Variants in SERP2 observed in about 807,000 individuals in gnomAD.
SERP2 encodes the protein stress-associated endoplasmic reticulum protein 2.
A neutral mutation model predicts 9.1 loss-of-function variants in SERP2; 6 were observed. The observed-to-expected ratio is 0.66, with a 90% CI of 0.36 to 1.30. The LOEUF is 1.30. Among genes scored for constraint, SERP2 ranks in the 50% most tolerant of loss-of-function variants. The pLI is 0.03. For missense variants in SERP2, 58 were observed against 81.9 expected, an observed-to-expected ratio of 0.71 and a Z score of 1.13; for synonymous variants, 37 against 27.3, an observed-to-expected ratio of 1.35 and a Z score of -1.10.
In SERP2 at chr13:44,373,928, T is replaced by G; in HGVS notation, c.-98T>G. On this transcript the variant is annotated 5_prime_UTR_variant, in exon 1 of 3. Coordinates refer to ENST00000379179, the MANE Select transcript of SERP2 (RefSeq NM_001010897.3). This position sits in a 1 kb window ranked among gnomAD's most constrained non-coding sequence, Gnocchi z 4.8. ...CGCCTTGCCACCTGCAGCGCCCGGG[T>G]GGGCCGCGGGGGCCTCGGCGGGACG... 8.6e-7 allele frequency: 1 copy of G among 1,156,522 alleles called. No individual in the cohort carries two copies. The highest frequency in any genetic ancestry group is 1.4e-5 in the South Asian group (1 of 73,118). 71.6% of individuals were successfully genotyped at this position (1,156,522 alleles called of 1,614,324 possible). A position where few individuals can be genotyped will look rare whatever the true frequency, so the allele number is the denominator to read the frequency against.
chr13:44,390,000 G>C (rs1411966396), intron 2 of SERP2, among the ~76,000 whole-genome samples: 1 of 152,154 alleles, frequency 6.6e-6, no homozygotes, highest in Non-Finnish European at 1.5e-5. Context: ...AAAAGTGAGA[G>C]AGATAGTCCC....
intron 2 of SERP2, among the ~76,000 whole-genome samples, chr13:44,387,447 G>A (rs1566093048): frequency 6.6e-6 from 1 of 152,112 alleles, no homozygotes; most frequent in Non-Finnish European, 1.5e-5. Context: ...TTTTTATAAG[G>A]TTATTGCCAC....
chr13:44,388,270 G>A (rs1262320974), intron 2 of SERP2, among the ~76,000 whole-genome samples: 1 of 21,476 alleles, frequency 4.7e-5, no homozygotes, highest in Admixed American at 3.9e-4. Context: ...TTGTATATGT[G>A]GGTTTTTTTG....
At chr13:44,379,299 A>C (rs1053157162) in intron 1 of SERP2, among the ~76,000 whole-genome samples, 1 of 152,226 alleles carries the variant, frequency 6.6e-6, no homozygotes, top group African/African-American at 2.4e-5. Flanking sequence ...TGCCTGGCAC[A>C]GAGCATTACT....
At chr13:44,389,468 G>T (rs1016115565) in intron 2 of SERP2, among the ~76,000 whole-genome samples, 5 of 152,178 alleles carry the variant, frequency 3.3e-5, no homozygotes, top group Non-Finnish European at 7.3e-5. Context: ...ATAAGTGTTT[G>T]CTGTTCTTGT....
intron 2 of SERP2, chr13:44,395,671 T>A: frequency 8.2e-6 from 2 of 242,694 alleles, no homozygotes; most frequent in South Asian, 4.5e-5. Flanking sequence ...TCTGAGCACA[T>A]CCAGAATTAA....
chr13:44,385,428 C>T (rs1319412659), intron 2 of SERP2, among the ~76,000 whole-genome samples: 2 of 152,236 alleles, frequency 1.3e-5, no homozygotes, highest in African/African-American at 2.4e-5. Flanking sequence ...GGCTGCCCCA[C>T]GCCCCCCAGA....
chr13:44,391,697 C>T (rs1472928978), intron 2 of SERP2, among the ~76,000 whole-genome samples: 3 of 152,164 alleles, frequency 2.0e-5, no homozygotes, highest in East Asian at 3.9e-4. Flanking sequence ...GTTAGAAACA[C>T]AGATTCTCCA....
intron 2 of SERP2, among the ~76,000 whole-genome samples, chr13:44,380,554 A>G (rs1174341989): frequency 4.6e-5 from 7 of 152,240 alleles, no homozygotes; most frequent in Non-Finnish European, 8.8e-5. Flanking sequence ...AAATTAAAAA[A>G]AAAATTTAAG....
At chr13:44,388,875 C>T (rs1170944207) in intron 2 of SERP2, among the ~76,000 whole-genome samples, 1 of 152,196 alleles carries the variant, frequency 6.6e-6, no homozygotes, top group East Asian at 1.9e-4. Context: ...GGAAGGGCCA[C>T]ACCCAAACTT....
intron 2 of SERP2, chr13:44,390,238 C>T (rs1010059278): frequency 9.6e-6 from 3 of 313,342 alleles, no homozygotes; most frequent in Non-Finnish European, 1.9e-5. Flanking sequence ...GGGTCTTGCT[C>T]CCAGATGGAG....
chr13:44,383,544 G>GTTT (rs373109847), intron 2 of SERP2, among the ~76,000 whole-genome samples: 8,940 of 90,866 alleles, frequency 0.098, 896 homozygotes, highest in Non-Finnish European at 0.11. Flanking sequence ...GGAGGTTTGC[G>GTTT]TTTTTTTTGT....
chr13:44,396,488 T>C (rs1166196239), intron 2 of SERP2, among the ~76,000 whole-genome samples: 1 of 148,332 alleles, frequency 6.7e-6, no homozygotes, highest in African/African-American at 2.5e-5. Context: ...ATCATTACCA[T>C]CATCTTTGTC....
In SERP2 at chr13:44,388,302, ATGTG is replaced by A. The variant is rs535800371; in HGVS notation, c.157+8591_157+8594del. Among the ~76,000 whole-genome samples, 75 of 151,400 alleles carry A rather than the reference ATGTG, an allele frequency of 5.0e-4. No individual in the cohort carries two copies. In the South Asian group the frequency reaches 0.015, roughly 30 times the overall value. The stretch of plus-strand genomic sequence containing the variant: ...TTTGTGTGTGTGTTTGTTTCCATGT[ATGTG>A]TATTTGTGAATGTGTATGTGTTAGT... On this transcript the variant is annotated intron_variant, in intron 2 of 2. Coordinates refer to ENST00000379179, the MANE Select transcript of SERP2 (RefSeq NM_001010897.3).
At chr13:44,392,946 G>A (rs1470777443) in intron 2 of SERP2, among the ~76,000 whole-genome samples, 1 of 152,142 alleles carries the variant, frequency 6.6e-6, no homozygotes, top group Non-Finnish European at 1.5e-5. Context: ...CAAGTGGATT[G>A]TTTCCTCTAA....
At chr13:44,392,196 C>CAGAAAAAAAAAAAA (rs1872816161) in intron 2 of SERP2, among the ~76,000 whole-genome samples, 1 of 35,980 alleles carries the variant, frequency 2.8e-5, no homozygotes, top group Admixed American at 6.2e-4. Context: ...GACTCTGTCT[C>CAGAAAAAAAAAAAA]AAAAAAAAAA....
At chr13:44,382,997 G>A (rs1460903998) in intron 2 of SERP2, among the ~76,000 whole-genome samples, 5 of 152,202 alleles carry the variant, frequency 3.3e-5, no homozygotes, top group Admixed American at 2.0e-4. Flanking sequence ...GGTGCTGTTT[G>A]AGCGGAGTCT....
At chr13:44,385,268 G>T (rs1042390276) in intron 2 of SERP2, among the ~76,000 whole-genome samples, 3 of 152,168 alleles carry the variant, frequency 2.0e-5, no homozygotes, top group Non-Finnish European at 4.4e-5. Context: ...TGCCATCCTA[G>T]TAAGAGCAAG....
chr13:44,375,967 CTA>C (rs1183527825), intron 1 of SERP2, among the ~76,000 whole-genome samples: 3 of 152,216 alleles, frequency 2.0e-5, no homozygotes, highest in Non-Finnish European at 4.4e-5. Flanking sequence ...ATGTTCAGAG[CTA>C]CATTTAAATT....
Sources: gnomAD v4.1 joint callset for allele counts (sites outside exome capture counted in the v4.1 genomes callset) on GRCh38, gnomAD v4.1.1 for gene constraint, Gnocchi (gnomAD v3.1) non-coding constraint, MANE v1.5 for transcripts, NCBI Gene and HGNC (gene_info 2026-07-23, HGNC 2026-07-21) for gene names.